MFAP2: variants seen among roughly 807,000 people sequenced by gnomAD.
The protein encoded by MFAP2 is microfibrillar-associated protein 2.
A neutral mutation model predicts 30.6 loss-of-function variants in MFAP2; 23 were observed. The observed-to-expected ratio is 0.75, with a 90% CI of 0.54 to 1.07. The LOEUF is 1.07. MFAP2 is among the 50% of genes least tolerant of loss of function. MFAP2 has a pLI of 0.00. For synonymous variants in MFAP2, 73 were observed against 85.7 expected (o/e 0.85, Z 0.82); for missense variants, 198 against 223.8 (o/e 0.88, Z 0.74).
At chr1:16,979,865 A>G (rs2076622927) in intron 1 of MFAP2, among the ~76,000 whole-genome samples, 1 of 152,176 alleles carries the variant, frequency 6.6e-6, no homozygotes, top group Non-Finnish European at 1.5e-5. Context: ...GAGAGAAGTC[A>G]GTGTGGAGTT....
rs761933037 is a variant in MFAP2, at chr1:16,975,702, G to A, written c.315C>T (p.Thr105=). ...LDCREEQYPC[T]RLYSIHRPCK... ...AAGGCCTGTGTATGGAGTAGAGGCGGGTGCACGGGTACTGTTCCTCACGGC... is the reference window on the plus strand; with the variant it reads ...AAGGCCTGTGTATGGAGTAGAGGCGAGTGCACGGGTACTGTTCCTCACGGC... The change falls in exon 7 of 9, where the codon ACC becomes ACT. Residue 105 remains threonine, a synonymous_variant. Coordinates refer to ENST00000375535, the MANE Select transcript of MFAP2 (RefSeq NM_002403.4). This position sits in a 1 kb window ranked among gnomAD's most constrained non-coding sequence, Gnocchi z 5.0. 6 of 1,613,766 alleles carry A rather than the reference G, an allele frequency of 3.7e-6. No homozygotes were observed. In the African/African-American group the frequency reaches 8.0e-5, roughly 22 times the overall value.
intron 1 of MFAP2, among the ~76,000 whole-genome samples, chr1:16,979,595 C>G (rs1052778493): frequency 6.6e-6 from 1 of 152,198 alleles, no homozygotes; most frequent in African/African-American, 2.4e-5. Flanking sequence ...CTCCCCACAC[C>G]CCATTCTGAA....
intron 2 of MFAP2, 181 bp from the exon 3 acceptor site, chr1:16,977,379 C>T: frequency 6.4e-6 from 4 of 620,838 alleles, no homozygotes; most frequent in Non-Finnish European, 1.1e-5. Flanking sequence ...CCACCCTGGT[C>T]ATGGGTCACC....
At position 16,976,094 on chromosome 1, in the gene MFAP2, G is replaced by C; in HGVS notation, c.287-364C>G. On this transcript the variant is annotated intron_variant, in intron 6 of 8. Coordinates refer to ENST00000375535, the MANE Select transcript of MFAP2 (RefSeq NM_002403.4). The surrounding 1 kb of genome is among the most constrained non-coding windows in gnomAD (Gnocchi z 5.5). ...CGAGAGTGAGCACACGGATTCTCCTGCACACACACACCTTGTTCTTTCAAG... is the reference window on the plus strand; with the variant it reads ...CGAGAGTGAGCACACGGATTCTCCTCCACACACACACCTTGTTCTTTCAAG... 1 of 462,144 alleles carries C rather than the reference G, an allele frequency of 2.2e-6. No homozygotes were observed. The highest frequency in any genetic ancestry group is 4.0e-6 in the Non-Finnish European group (1 of 252,388). 28.6% of individuals were successfully genotyped at this position (462,144 alleles called of 1,614,324 possible).
chr1:16,974,843 GA>G lies in MFAP2; in HGVS notation c.*76del. 1.8e-6 allele frequency: 1 copy of G among 563,094 alleles called. No homozygotes were observed. Among genetic ancestry groups the G allele is most frequent in the Non-Finnish European group, 3.1e-6 (1 of 322,822 alleles). 34.9% of individuals were successfully genotyped at this position (563,094 alleles called of 1,614,324 possible). ...AGAATAAAAGGAACATGGGGATGGG[GA>G]AAAAAGCACCAGGTCAGGCAGGGCC... is the stretch of plus-strand genomic sequence containing the variant. On this transcript the variant is annotated 3_prime_UTR_variant, in exon 9 of 9. Transcript: ENST00000375535.
rs1223603989 is a variant in MFAP2 at position 16,976,907 on chromosome 1, A to T, written c.144T>A (p.Tyr48Ter). The T allele has an allele frequency of 1.2e-6, 2 of 1,613,972 alleles. No individual in the cohort carries two copies. The highest frequency in any genetic ancestry group is 1.7e-6 in the Non-Finnish European group (2 of 1,179,972). Residue 48 changes from tyrosine to a stop codon, truncating the protein, a stop_gained, in exon 4 of 9, where the codon TAT (tyrosine) becomes TAA (stop). Transcript: ENST00000375535. LOFTEE classifies it high-confidence loss of function. This position sits in a 1 kb window ranked among gnomAD's most constrained non-coding sequence, Gnocchi z 5.5. The part of the protein sequence containing the change: ...YSDQIDNPDY[Y>*]DYQEVTPRPS... ...CCCCTAGCCCGTTACCTTGATAATC[A>T]TAGTAGTCTGGGTTGTCTGCAAACA...
At position 16,976,644 on chromosome 1, in the gene MFAP2, G is replaced by T; in HGVS notation, c.241+64C>A. On this transcript the variant is annotated intron_variant, in intron 5 of 8. Coordinates refer to ENST00000375535, the MANE Select transcript of MFAP2 (RefSeq NM_002403.4). The surrounding 1 kb of genome is among the most constrained non-coding windows in gnomAD (Gnocchi z 5.5). ...GCCCTGGCAGACCCCCACTCCCAGGGTTGACAGGGTGGGGAGGGGTGAGGC... is the reference window on the plus strand; with the variant it reads ...GCCCTGGCAGACCCCCACTCCCAGGTTTGACAGGGTGGGGAGGGGTGAGGC... 6.2e-7 allele frequency: 1 copy of T among 1,610,118 alleles called. No homozygotes were observed.
rs2076597235 is a variant in MFAP2, at chr1:16,976,903, A to G, written c.148T>C (p.Tyr50His). The change falls in exon 4 of 9, where the codon TAT becomes CAT. Residue 50 changes from tyrosine (Y) to histidine (H), a missense_variant. Coordinates refer to ENST00000375535, the MANE Select transcript of MFAP2 (RefSeq NM_002403.4). The surrounding 1 kb of genome is among the most constrained non-coding windows in gnomAD (Gnocchi z 5.5). ...DQIDNPDYYD[Y>H]QEVTPRPSEE... ...CCTACCCCTAGCCCGTTACCTTGAT[A>G]ATCATAGTAGTCTGGGTTGTCTGCA... The G allele has an allele frequency of 6.2e-7, 1 of 1,614,020 alleles. No homozygotes were observed. Among genetic ancestry groups the G allele is most frequent in the Non-Finnish European group, 8.5e-7 (1 of 1,179,976 alleles).
At chr1:16,980,266 G>GCC (rs1557656617) in intron 1 of MFAP2, among the ~76,000 whole-genome samples, 1 of 66,636 alleles carries the variant, frequency 1.5e-5, no homozygotes, top group African/African-American at 6.5e-5. Flanking sequence ...ATTCCCACCG[G>GCC]ACCCCCCCCC....
Position 16,975,474 on chromosome 1 carries a change from C to T in MFAP2, c.375-132G>A. 3 of 1,185,348 alleles carry T rather than the reference C, an allele frequency of 2.5e-6. No homozygotes were observed. Among genetic ancestry groups the T allele is most frequent in the African/African-American group, 1.5e-5 (1 of 65,824 alleles). 73.4% of individuals were successfully genotyped at this position (1,185,348 alleles called of 1,614,324 possible). A position where few individuals can be genotyped will look rare whatever the true frequency, so the allele number is the denominator to read the frequency against. Reference sequence around the variant, plus strand: ...GCCCGGACAGAACCTGGCACTGGAGCCCAGGAGTGGAGGAGGTCCCTGGCC... The same window carrying T: ...GCCCGGACAGAACCTGGCACTGGAGTCCAGGAGTGGAGGAGGTCCCTGGCC... On this transcript the variant is annotated intron_variant, in intron 7 of 8. Transcript: ENST00000375535. The surrounding 1 kb of genome is among the most constrained non-coding windows in gnomAD (Gnocchi z 5.0).
rs758675545 is a variant in MFAP2 at position 16,976,824 on chromosome 1, C to T, written c.155-30G>A. ...AGCCAGGGGAGGATAAGGGGGTCTGCTCCCTCTACCCCTCCCAGGGGGTCT... is the reference window on the plus strand; with the variant it reads ...AGCCAGGGGAGGATAAGGGGGTCTGTTCCCTCTACCCCTCCCAGGGGGTCT... On this transcript the variant is annotated intron_variant, in intron 4 of 8. Transcript: ENST00000375535. The surrounding 1 kb of genome is among the most constrained non-coding windows in gnomAD (Gnocchi z 5.5). The T allele has an allele frequency of 5.6e-6, 9 of 1,614,048 alleles. No individual in the cohort carries two copies. Among genetic ancestry groups the T allele is most frequent in the Non-Finnish European group, 7.6e-6 (9 of 1,179,972 alleles).
In MFAP2 at chr1:16,976,129, A is replaced by G; in HGVS notation, c.286+372T>C. On this transcript the variant is annotated intron_variant, in intron 6 of 8. Transcript: ENST00000375535. The surrounding 1 kb of genome is among the most constrained non-coding windows in gnomAD (Gnocchi z 5.5). ...ACCTTGTTCTTTCAAGCTCTCAGCT[A>G]GGGCAGCCGGAGGGCACCGCTCAGC... 4.1e-6 allele frequency: 2 copies of G among 485,178 alleles called. No individual in the cohort carries two copies. The highest frequency in any genetic ancestry group is 7.5e-6 in the Non-Finnish European group (2 of 266,394). The allele number at this position is 485,178 out of a possible 1,614,324, so 30.1% of individuals were successfully genotyped here.
chr1:16,977,939 C>T (rs2076606504), intron 2 of MFAP2: 3 of 356,088 alleles, frequency 8.4e-6, no homozygotes, highest in Admixed American at 4.3e-5. Context: ...ACCTGCACAT[C>T]GGCTCCCAGA....
intron 2 of MFAP2, 30 bp downstream of exon 2, chr1:16,978,207 G>A: frequency 1.3e-6 from 2 of 1,559,006 alleles, no homozygotes; most frequent in Admixed American, 1.9e-5. Flanking sequence ...CACATAAGAG[G>A]AGCTACCCCC....
rs200848686 is a variant in MFAP2, at chr1:16,977,086, C to T, written c.127+23G>A. 3.8e-5 allele frequency: 62 copies of T among 1,613,580 alleles called. 1 individual carries two copies. The Admixed American group carries it at 5.5e-4, about 14-fold the overall frequency. On this transcript the variant is annotated intron_variant, in intron 3 of 8. Transcript: ENST00000375535. ...CAGGCACATCTGAGCAGCCAGGCCT[C>T]GGTGACCCGGCAAGGCCCTTACCGA...
At chr1:16,981,391 C>G (rs899012991), upstream of MFAP2, among the ~76,000 whole-genome samples, 2 of 152,212 alleles carry the variant, frequency 1.3e-5, no homozygotes, top group African/African-American at 4.8e-5. Flanking sequence ...CCTCCTAACT[C>G]TCCCCCAGAC....
In MFAP2 at chr1:16,976,780, GCCGAGGAGTCAC is replaced by G. The variant is rs758476787; in HGVS notation, c.157_168del (p.Val53_Arg56del). The G allele has an allele frequency of 3.7e-6, 6 of 1,613,940 alleles. No homozygotes were observed. In the South Asian group the frequency reaches 6.6e-5, roughly 18 times the overall value. ...TGGAACTGGAACTGTTCCTCGGAGG[GCCGAGGAGTCAC>G]CTCTGCAGCCAGGGGAGGATAAGGG... On this transcript the variant is annotated inframe_deletion and splice_region_variant, in exon 5 of 9. Transcript: ENST00000375535. This position sits in a 1 kb window ranked among gnomAD's most constrained non-coding sequence, Gnocchi z 5.5.
Position 16,975,482 on chromosome 1 carries a change from T to C in MFAP2, c.375-140A>G. 8.4e-7 allele frequency: 1 copy of C among 1,189,946 alleles called. No homozygotes were observed. Among genetic ancestry groups the C allele is most frequent in the African/African-American group, 1.5e-5 (1 of 65,716 alleles). 73.7% of individuals were successfully genotyped at this position (1,189,946 alleles called of 1,614,324 possible). On this transcript the variant is annotated intron_variant, in intron 7 of 8. Coordinates refer to ENST00000375535, the MANE Select transcript of MFAP2 (RefSeq NM_002403.4). This position sits in a 1 kb window ranked among gnomAD's most constrained non-coding sequence, Gnocchi z 5.0. ...AGAACCTGGCACTGGAGCCCAGGAG[T>C]GGAGGAGGTCCCTGGCCCAGGCTCA... is the stretch of plus-strand genomic sequence containing the variant.
rs578152119 is a variant in MFAP2 at position 16,974,930 on chromosome 1, C to T, written c.542G>A (p.Gly181Glu). 214 of 848,978 alleles carry T rather than the reference C, an allele frequency of 2.5e-4. 1 individual carries two copies. The African/African-American group carries it at 3.5e-3, about 14-fold the overall frequency. 52.6% of individuals were successfully genotyped at this position (848,978 alleles called of 1,614,324 possible). ...GATGCCAGCACCACCCTAGCAGCTC[C>T]CACAGCTCCTGGCACAGGAGGCCGC... ...SVAASCARSC[G>E]SC The change falls in exon 9 of 9, where the codon GGG becomes GAG. Residue 181 changes from glycine (G) to glutamate (E), a missense_variant. Transcript: ENST00000375535.
Sources: allele counts gnomAD v4.1 joint callset (sites outside exome capture counted in the v4.1 genomes callset), GRCh38; gene constraint gnomAD v4.1.1; non-coding constraint Gnocchi (gnomAD v3.1); transcripts MANE v1.5; gene names NCBI Gene and HGNC (gene_info 2026-07-23, HGNC 2026-07-21).